Variants in DLGAP1 observed in about 807,000 individuals in gnomAD.
DLGAP1 encodes DLG associated protein 1, also known as disks large-associated protein 1.
DLGAP1 carries 11 observed loss-of-function variants against 90.8 expected under a neutral mutation model. That is an observed-to-expected ratio of 0.12 (90% confidence interval 0.08 to 0.20). The LOEUF (loss-of-function observed/expected upper bound fraction) is 0.20, where lower values mean the gene tolerates loss of function less well. Ranked by LOEUF, DLGAP1 falls within the 10% of genes least tolerant of loss-of-function variation. The pLI is 1.00. For synonymous variants in DLGAP1, 558 were observed against 540.7 expected, an observed-to-expected ratio of 1.03 and a Z score of -0.44; for missense variants, 1,050 against 1,333.8, an observed-to-expected ratio of 0.79 and a Z score of 3.31.
At chr18:3,844,507 T>C (rs1164700846) in intron 4 of DLGAP1, among the ~76,000 whole-genome samples, 2 of 152,196 alleles carry the variant, frequency 1.3e-5, no homozygotes, top group Non-Finnish European at 2.9e-5. Flanking sequence ...CTTCTTGTTT[T>C]TGAGATAGAG....
At chr18:3,595,949 A>G (rs992838974) in intron 7 of DLGAP1, among the ~76,000 whole-genome samples, 7 of 152,222 alleles carry the variant, frequency 4.6e-5, no homozygotes, top group Non-Finnish European at 1.0e-4. Flanking sequence ...ATGTGTCCCA[A>G]CCAGGTCTGC....
chr18:3,964,554 C>T (rs536594510), intron 3 of DLGAP1, among the ~76,000 whole-genome samples: 27 of 152,188 alleles, frequency 1.8e-4, no homozygotes, highest in African/African-American at 6.0e-4. Context: ...TGGGAATCTT[C>T]GCTAGGAGTT....
chr18:4,389,617 T>C (rs1186268650), intron 1 of DLGAP1, among the ~76,000 whole-genome samples: 5 of 152,204 alleles, frequency 3.3e-5, no homozygotes, highest in Non-Finnish European at 7.3e-5. Flanking sequence ...ATTAAATGAT[T>C]TTTATTTTCT....
chr18:4,284,910 T>C (rs1238314537), intron 1 of DLGAP1, among the ~76,000 whole-genome samples: 2 of 152,248 alleles, frequency 1.3e-5, no homozygotes, highest in African/African-American at 4.8e-5. Context: ...AATGCTGATT[T>C]CTGAGAGTCA....
At chr18:4,293,628 G>T (rs1306508742) in intron 1 of DLGAP1, 1 of 152,186 alleles carries the variant, frequency 6.6e-6, no homozygotes, top group Non-Finnish European at 1.5e-5. Context: ...TTGTAAAGAG[G>T]TTATGTTTAT....
chr18:4,029,787 T>C (rs192044055), intron 2 of DLGAP1, among the ~76,000 whole-genome samples: 5 of 152,296 alleles, frequency 3.3e-5, no homozygotes, highest in Admixed American at 1.3e-4. Flanking sequence ...TGTGCCCTAA[T>C]GTCTCTCCTA....
At chr18:4,046,336 C>T (rs116784592) in intron 2 of DLGAP1, among the ~76,000 whole-genome samples, 2,406 of 152,286 alleles carry the variant, frequency 0.016, 68 homozygotes, top group African/African-American at 0.056. Flanking sequence ...TTATAGACCA[C>T]TAGTGAGTAG....
chr18:4,455,285 G>C lies in DLGAP1; in HGVS notation c.-546C>G, dbSNP rs1353087944. On this transcript the variant is annotated 5_prime_UTR_variant, in exon 1 of 13. Transcript: ENST00000315677. ...GGAGGCTGAGCGCCGGGACGCGGCG[G>C]GCTGGGGCTGCAAGGCTGGGCTGGT... The C allele has an allele frequency of 6.5e-6, 1 of 152,684 alleles. No homozygotes were observed. The highest frequency in any genetic ancestry group is 6.6e-5 in the Admixed American group (1 of 15,264). The allele number at this position is 152,684 out of a possible 1,614,324, so 9.5% of individuals were successfully genotyped here. A position where few individuals can be genotyped will look rare whatever the true frequency, so the allele number is the denominator to read the frequency against.
intron 5 of DLGAP1, among the ~76,000 whole-genome samples, chr18:3,794,512 C>T (rs756523483): frequency 5.9e-5 from 9 of 152,196 alleles, no homozygotes; most frequent in Non-Finnish European, 5.9e-5. Context: ...GGAGAACCCA[C>T]CCAGGATGCT....
At chr18:3,911,288 T>C (rs1320410990) in intron 3 of DLGAP1, among the ~76,000 whole-genome samples, 2 of 152,204 alleles carry the variant, frequency 1.3e-5, no homozygotes, top group Non-Finnish European at 2.9e-5. Context: ...TAAAATTTGT[T>C]GAATGAATTG....
chr18:3,852,113 G>A (rs2069375747), intron 4 of DLGAP1, among the ~76,000 whole-genome samples: 1 of 151,970 alleles, frequency 6.6e-6, no homozygotes, highest in Non-Finnish European at 1.5e-5. Flanking sequence ...CAAAACAATG[G>A]AATAGAATAA....
chr18:3,522,310 T>C (rs899339228), intron 10 of DLGAP1, among the ~76,000 whole-genome samples: 3 of 151,944 alleles, frequency 2.0e-5, no homozygotes, highest in African/African-American at 7.3e-5. Context: ...CTAATTTTTG[T>C]ATTTTTAGTA....
chr18:3,848,682 GAC>G (rs923206563), intron 4 of DLGAP1, among the ~76,000 whole-genome samples: 7 of 151,992 alleles, frequency 4.6e-5, no homozygotes, highest in African/African-American at 1.7e-4. Context: ...ACTCTTTTTG[GAC>G]ACTTCCCTCT....
intron 2 of DLGAP1, among the ~76,000 whole-genome samples, chr18:4,063,563 C>A (rs986893693): frequency 5.3e-5 from 8 of 152,116 alleles, no homozygotes; most frequent in Admixed American, 4.6e-4. Context: ...TTTAGAGAAT[C>A]TCCATTAATG....
chr18:4,351,401 G>A (rs1439460845), intron 1 of DLGAP1, among the ~76,000 whole-genome samples: 2 of 152,048 alleles, frequency 1.3e-5, no homozygotes, highest in African/African-American at 2.4e-5. Flanking sequence ...CTATTCTAGG[G>A]TCATATTTGT....
chr18:4,095,014 T>G (rs151296964), intron 2 of DLGAP1, among the ~76,000 whole-genome samples: 1,649 of 152,308 alleles, frequency 0.011, 32 homozygotes, highest in South Asian at 0.043. Context: ...TTCTTCCCGT[T>G]CATTCAGTCA....
chr18:3,588,022 T>G (rs1219743106), intron 7 of DLGAP1, among the ~76,000 whole-genome samples: 1 of 152,224 alleles, frequency 6.6e-6, no homozygotes, highest in East Asian at 1.9e-4. Context: ...ATGAAATTAT[T>G]TTTTTCCTCA....
chr18:3,580,845 G>T, intron 8 of DLGAP1: 1 of 1,371,672 alleles, frequency 7.3e-7, no homozygotes, highest in Non-Finnish European at 1.0e-6. Flanking sequence ...AAAAGGCTCT[G>T]CCCCCGGGGT....
Position 4,116,227 on chromosome 18 carries a change from AT to A in DLGAP1, c.-159+34952del, listed in dbSNP as rs138062818. ...CTCCAATATTTCTAATAAGAAGACA[AT>A]TGTTAATCTTTTTGAGATTCCCTTG... On this transcript the variant is annotated intron_variant, in intron 2 of 12. Transcript: ENST00000315677. Among the ~76,000 whole-genome samples the A allele has an allele frequency of 3.4e-3, 519 of 152,308 alleles. 1 individual carries two copies. Among genetic ancestry groups the A allele is most frequent in the African/African-American group, 0.012 (493 of 41,568 alleles).
Sources: gnomAD v4.1 joint callset for allele counts (sites outside exome capture counted in the v4.1 genomes callset) on GRCh38, gnomAD v4.1.1 for gene constraint, MANE v1.5 for transcripts, NCBI Gene and HGNC (gene_info 2026-07-23, HGNC 2026-07-21) for gene names.